SDK1: variants seen among roughly 807,000 people sequenced by gnomAD.
SDK1 encodes the protein sidekick cell adhesion molecule 1.
SDK1 carries 157 observed loss-of-function variants against 245.5 expected under a neutral mutation model. That is an observed-to-expected ratio of 0.64 (90% CI 0.56 to 0.73). The LOEUF (loss-of-function observed/expected upper bound fraction) is 0.73, where lower values mean the gene tolerates loss of function less well. Among genes scored for constraint, SDK1 ranks in the 30% least tolerant of loss-of-function variants. The pLI, the probability that SDK1 is intolerant of heterozygous loss-of-function variation, is 0.00. For missense variants in SDK1, 3,583 were observed against 3,002.3 expected (o/e 1.19, Z -4.52); for synonymous variants, 1,647 against 1,278.5 (o/e 1.29, Z -6.15).
intron 5 of SDK1, among the ~76,000 whole-genome samples, chr7:3,938,343 G>T (rs909318737): frequency 2.6e-5 from 4 of 151,690 alleles, no homozygotes; most frequent in Non-Finnish European, 2.9e-5. Flanking sequence ...TATGTGTTTG[G>T]ATAGAAATTA....
chr7:4,240,026 A>G (rs1299677318), intron 42 of SDK1, among the ~76,000 whole-genome samples: 2 of 152,194 alleles, frequency 1.3e-5, no homozygotes, highest in African/African-American at 4.8e-5. Flanking sequence ...TCCTTCAAAG[A>G]AAGGATTTAT....
At chr7:4,004,872 C>A (rs1485917535) in intron 14 of SDK1, among the ~76,000 whole-genome samples, 2 of 135,852 alleles carry the variant, frequency 1.5e-5, no homozygotes, top group Non-Finnish European at 3.2e-5. Context: ...CAAACATGGT[C>A]CATCCATCGT....
chr7:3,965,705 A>G (rs749719402), intron 9 of SDK1, among the ~76,000 whole-genome samples: 3 of 152,022 alleles, frequency 2.0e-5, no homozygotes, highest in Non-Finnish European at 4.4e-5. Flanking sequence ...GTGAAGGACG[A>G]GATGACTCCA....
chr7:3,721,388 A>G (rs933050671), intron 4 of SDK1, among the ~76,000 whole-genome samples: 4 of 152,224 alleles, frequency 2.6e-5, no homozygotes, highest in African/African-American at 9.6e-5. Context: ...TGGGTGAAGG[A>G]TGAATGGGTT....
At chr7:3,837,438 A>T (rs1452023296) in intron 5 of SDK1, among the ~76,000 whole-genome samples, 2 of 152,150 alleles carry the variant, frequency 1.3e-5, no homozygotes, top group Non-Finnish European at 2.9e-5. Context: ...TTTCCTGTGG[A>T]GGGCTCTATT....
intron 14 of SDK1, among the ~76,000 whole-genome samples, chr7:3,990,021 C>T (rs1427759252): frequency 6.6e-6 from 1 of 152,246 alleles, no homozygotes; most frequent in South Asian, 2.1e-4. Flanking sequence ...GCAGAGGAGC[C>T]TTCGGAAGCA....
At chr7:3,348,471 A>G (rs1780565711) in intron 1 of SDK1, among the ~76,000 whole-genome samples, 1 of 141,294 alleles carries the variant, frequency 7.1e-6, no homozygotes, top group Non-Finnish European at 1.6e-5. Context: ...CGAAAACAAC[A>G]TGTTCTCGTA....
chr7:4,106,636 T>C lies in SDK1; in HGVS notation c.3325-4027T>C, dbSNP rs552456483. 2.6e-5 allele frequency among the ~76,000 whole-genome samples: 4 copies of C among 152,306 alleles called. No individual in the cohort carries two copies. The South Asian group carries it at 8.3e-4, about 32-fold the overall frequency. On this transcript the variant is annotated intron_variant, in intron 22 of 44. Transcript: ENST00000404826. ...CCGTGCAGTGGTTTCCCAGCATCTC[T>C]GCAGAGGGAGCCGCACGCCCGGCGT... is the stretch of plus-strand genomic sequence containing the variant.
intron 4 of SDK1, among the ~76,000 whole-genome samples, chr7:3,727,789 C>A (rs1779055539): frequency 6.6e-6 from 1 of 152,084 alleles, no homozygotes; most frequent in African/African-American, 2.4e-5. Context: ...CCGCGCCCGG[C>A]CGAGAAATTT....
intron 5 of SDK1, among the ~76,000 whole-genome samples, chr7:3,825,550 C>G (rs886927935): frequency 6.6e-6 from 1 of 152,184 alleles, no homozygotes; most frequent in Non-Finnish European, 1.5e-5. Flanking sequence ...TTAATGTCTC[C>G]TCTTCAAACA....
intron 1 of SDK1, among the ~76,000 whole-genome samples, chr7:3,547,684 A>G (rs970648957): frequency 6.6e-6 from 1 of 152,194 alleles, no homozygotes; most frequent in African/African-American, 2.4e-5. Flanking sequence ...TCTGTAGATC[A>G]CTGTTAATGT....
chr7:3,361,123 A>C (rs530292253), intron 1 of SDK1, among the ~76,000 whole-genome samples: 1 of 152,220 alleles, frequency 6.6e-6, no homozygotes, highest in Admixed American at 6.5e-5. Context: ...CCTAGAAAAA[A>C]ATCTGCAATT....
chr7:3,657,771 C>G (rs1783234231), intron 4 of SDK1, among the ~76,000 whole-genome samples: 4 of 152,158 alleles, frequency 2.6e-5, no homozygotes, highest in Admixed American at 6.5e-5. Flanking sequence ...TTCTGCGAGA[C>G]TACTCTAAAT....
intron 14 of SDK1, among the ~76,000 whole-genome samples, chr7:4,008,971 A>G (rs1386778615): frequency 6.6e-6 from 1 of 152,232 alleles, no homozygotes. Context: ...AAGAGCCACC[A>G]TACTGTTGTC....
Position 4,173,778 on chromosome 7 carries a change from G to C in SDK1, c.4801-444G>C, listed in dbSNP as rs1023650867. Among the ~76,000 whole-genome samples, 3 of 152,162 alleles carry C rather than the reference G, an allele frequency of 2.0e-5. No individual in the cohort carries two copies. The South Asian group carries it at 6.2e-4, about 31-fold the overall frequency. Reference sequence around the variant, plus strand: ...TGGGGAGGCATCAGTGAGGGGTACAGTACGGCAGCCACAGCCTGGATGGCC... The same window carrying C: ...TGGGGAGGCATCAGTGAGGGGTACACTACGGCAGCCACAGCCTGGATGGCC... On this transcript the variant is annotated intron_variant, in intron 32 of 44. Transcript: ENST00000404826.
Position 3,724,343 on chromosome 7 carries a change from C to A in SDK1, c.713+82238C>A, listed in dbSNP as rs576261997. Reference sequence around the variant, plus strand: ...ATCCCAGCACTTTGGGAGACTGAGGCAGGAGGATTGCTTGAGCCCAGGAGT... The same window carrying A: ...ATCCCAGCACTTTGGGAGACTGAGGAAGGAGGATTGCTTGAGCCCAGGAGT... On this transcript the variant is annotated intron_variant, in intron 4 of 44. Transcript: ENST00000404826. Among the ~76,000 whole-genome samples, 3 of 152,136 alleles carry A rather than the reference C, an allele frequency of 2.0e-5. No individual in the cohort carries two copies. In the South Asian group the frequency reaches 6.2e-4, roughly 32 times the overall value.
At chr7:3,872,104 G>C (rs1200584909) in intron 5 of SDK1, among the ~76,000 whole-genome samples, 2 of 152,070 alleles carry the variant, frequency 1.3e-5, no homozygotes, top group East Asian at 3.9e-4. Flanking sequence ...TGCATAGATT[G>C]GTGAACTTAC....
At position 3,602,416 on chromosome 7, in the gene SDK1, A is replaced by C. The variant is rs572500372; in HGVS notation, c.299-16664A>C. 2.4e-3 allele frequency among the ~76,000 whole-genome samples: 362 copies of C among 150,548 alleles called. 2 individuals are homozygous for C. Among genetic ancestry groups the C allele is most frequent in the African/African-American group, 8.2e-3 (338 of 41,066 alleles). ...CTCATAGTGGTTTTGATTTGCATTT[A>C]TCTGATGGCCAGTGATGAGGAGCAT... On this transcript the variant is annotated intron_variant, in intron 1 of 44. Coordinates refer to ENST00000404826, the MANE Select transcript of SDK1 (RefSeq NM_152744.4).
At chr7:3,566,224 C>CTT (rs568790658) in intron 1 of SDK1, among the ~76,000 whole-genome samples, 29,644 of 125,200 alleles carry the variant, frequency 0.24, 3,868 homozygotes, top group East Asian at 0.33. Flanking sequence ...TAAACTTCTT[C>CTT]TTTTTTTTTT....
Sources: allele counts gnomAD v4.1 joint callset (sites outside exome capture counted in the v4.1 genomes callset), GRCh38; gene constraint gnomAD v4.1.1; transcripts MANE v1.5; gene names NCBI Gene and HGNC (gene_info 2026-07-23, HGNC 2026-07-21).